LPP: variants seen among roughly 807,000 people sequenced by gnomAD.
LPP encodes lipoma-preferred partner.
Under a neutral mutation model 60.4 loss-of-function variants are expected in LPP, and 38 were observed. That is an observed-to-expected ratio of 0.63 (90% CI 0.49 to 0.83). The LOEUF (loss-of-function observed/expected upper bound fraction) is 0.83. Ranked by LOEUF, LPP falls within the 40% of genes least tolerant of loss-of-function variation. LPP has a pLI of 0.00. For synonymous variants in LPP, 328 were observed against 290.8 expected (o/e 1.13, Z -1.30); for missense variants, 902 against 783.6 (o/e 1.15, Z -1.80).
At position 188,835,455 on chromosome 3, in the gene LPP, C is replaced by CA. The variant is rs375424925; in HGVS notation, c.1411-30731dup. ...GTGAAACCTCATCCTACTAAAAATA[C>CA]AAAAAAAAAAAAAATCAGCTGGTGG... is the stretch of plus-strand genomic sequence containing the variant. On this transcript the variant is annotated intron_variant, in intron 9 of 11. Transcript: ENST00000617246. Among the ~76,000 whole-genome samples, 562 of 110,684 alleles carry CA rather than the reference C, an allele frequency of 5.1e-3. 2 individuals carry two copies. The highest frequency in any genetic ancestry group is 6.4e-3 in the Admixed American group (70 of 10,878). The allele number at this position is 110,684 out of a possible 152,430, so 72.6% of individuals were successfully genotyped here. A position where few individuals can be genotyped will look rare whatever the true frequency, so the allele number is the denominator to read the frequency against.
chr3:188,447,607 CAAAAAA>C (rs59645249), intron 4 of LPP, among the ~76,000 whole-genome samples: 21 of 114,776 alleles, frequency 1.8e-4, no homozygotes, highest in Admixed American at 2.6e-4. Context: ...GAGACTGCCT[CAAAAAA>C]AAAAAAAAAA....
chr3:188,680,672 A>G (rs565347974), intron 7 of LPP, among the ~76,000 whole-genome samples: 4 of 152,318 alleles, frequency 2.6e-5, no homozygotes, highest in East Asian at 1.9e-4. Flanking sequence ...TTAAAAGCCT[A>G]TCTTTAGGAA....
At chr3:188,310,838 A>T (rs1268254005) in intron 2 of LPP, among the ~76,000 whole-genome samples, 1 of 152,130 alleles carries the variant, frequency 6.6e-6, no homozygotes, top group Non-Finnish European at 1.5e-5. Context: ...TGCTATTATT[A>T]TTTTTTAAAA....
At chr3:188,486,078 T>G (rs533453153) in intron 5 of LPP, among the ~76,000 whole-genome samples, 1 of 152,180 alleles carries the variant, frequency 6.6e-6, no homozygotes, top group Non-Finnish European at 1.5e-5. Flanking sequence ...GGATATGTAT[T>G]TATGGCATAC....
At chr3:188,695,049 G>C (rs1244514067) in intron 7 of LPP, among the ~76,000 whole-genome samples, 2 of 152,118 alleles carry the variant, frequency 1.3e-5, no homozygotes, top group East Asian at 3.9e-4. Flanking sequence ...TATTATCACG[G>C]TAATCTTTGT....
intron 3 of LPP, among the ~76,000 whole-genome samples, chr3:188,386,598 A>C (rs1257810505): frequency 6.6e-6 from 1 of 152,206 alleles, no homozygotes; most frequent in Non-Finnish European, 1.5e-5. Context: ...CTAGCTTCTG[A>C]ATGTTGTATG....
Position 188,756,395 on chromosome 3 carries a change from C to T in LPP, c.1241-3718C>T, listed in dbSNP as rs1730260557. Among the ~76,000 whole-genome samples the T allele has an allele frequency of 2.0e-5, 3 of 152,174 alleles. No homozygotes were observed. The South Asian group carries it at 6.2e-4, about 31-fold the overall frequency. ...TCTTCACACCAGCCCTGGGTCTGAG[C>T]TAATCAGCTGTGTTTCCTTCATGCT... On this transcript the variant is annotated intron_variant, in intron 8 of 11. Transcript: ENST00000617246.
intron 8 of LPP, among the ~76,000 whole-genome samples, chr3:188,747,072 G>C (rs754670179): frequency 6.6e-5 from 10 of 152,144 alleles, no homozygotes; most frequent in Admixed American, 2.6e-4. Context: ...TTTTATAAAA[G>C]GGAGTCACAG....
chr3:188,787,246 C>T (rs573816220), intron 9 of LPP, among the ~76,000 whole-genome samples: 108 of 151,910 alleles, frequency 7.1e-4, no homozygotes, highest in African/African-American at 2.4e-3. Context: ...TAGATCTCTA[C>T]GTTATTTCTT....
At chr3:188,181,222 G>A (rs1243746603) in intron 1 of LPP, among the ~76,000 whole-genome samples, 4 of 151,960 alleles carry the variant, frequency 2.6e-5, no homozygotes, top group African/African-American at 7.2e-5. Flanking sequence ...ACTTGGTAGC[G>A]CATGCCTGTA....
Position 188,600,874 on chromosome 3 carries a change from T to A in LPP, c.430-8287T>A, listed in dbSNP as rs1841024547. Among the ~76,000 whole-genome samples the A allele has an allele frequency of 3.9e-5, 6 of 152,128 alleles. No individual in the cohort carries two copies. The South Asian group carries it at 1.2e-3, about 31-fold the overall frequency. ...GCTTCAAGCTTAATCTCTTCAAGCT[T>A]CATCTATGTTGTAGCATGTATCAGA... On this transcript the variant is annotated intron_variant, in intron 6 of 11. Coordinates refer to ENST00000617246, the MANE Select transcript of LPP (RefSeq NM_001375462.1).
chr3:188,876,118 T>C lies in LPP; in HGVS notation c.*1639T>C, dbSNP rs1402923720. 5.3e-6 allele frequency: 1 copy of C among 189,864 alleles called. No individual in the cohort carries two copies. The highest frequency in any genetic ancestry group is 1.1e-5 in the Non-Finnish European group (1 of 90,154). The allele number at this position is 189,864 out of a possible 1,614,324, so 11.8% of individuals were successfully genotyped here. ...TATCTTTTTCATTATTGTGAAGTGA[T>C]GTTCAGATTTCTAGTTTTTTTTCTA... On this transcript the variant is annotated 3_prime_UTR_variant, in exon 12 of 12. Transcript: ENST00000617246.
chr3:188,320,409 A>G (rs1756582209), intron 2 of LPP, among the ~76,000 whole-genome samples: 1 of 152,214 alleles, frequency 6.6e-6, no homozygotes, highest in African/African-American at 2.4e-5. Flanking sequence ...GGGTCCCCTC[A>G]GTGGTGAGCT....
chr3:188,269,490 A>G (rs757516190), intron 2 of LPP, among the ~76,000 whole-genome samples: 57 of 152,264 alleles, frequency 3.7e-4, no homozygotes, highest in Non-Finnish European at 6.3e-4. Flanking sequence ...TTGAAATGAC[A>G]ATTGCAGGTT....
chr3:188,857,358 G>A (rs1764097939), intron 9 of LPP, among the ~76,000 whole-genome samples: 1 of 152,204 alleles, frequency 6.6e-6, no homozygotes, highest in South Asian at 2.1e-4. Context: ...GGAGGACAGT[G>A]TGAAGTAGAA....
chr3:188,697,684 A>G (rs1364689656), intron 7 of LPP, among the ~76,000 whole-genome samples: 1 of 152,224 alleles, frequency 6.6e-6, no homozygotes, highest in African/African-American at 2.4e-5. Context: ...TATTCTGTTT[A>G]GATAATTTTA....
chr3:188,673,637 C>T (rs901976966), intron 7 of LPP, among the ~76,000 whole-genome samples: 1 of 152,038 alleles, frequency 6.6e-6, no homozygotes, highest in Non-Finnish European at 1.5e-5. Context: ...TCTTCCTCTC[C>T]CTGAAGCTAT....
chr3:188,476,294 A>G (rs899252521), intron 4 of LPP, among the ~76,000 whole-genome samples: 1 of 152,156 alleles, frequency 6.6e-6, no homozygotes, highest in Non-Finnish European at 1.5e-5. Context: ...TAGTTGTAAG[A>G]TGTAGATCAA....
At chr3:188,802,612 G>A (rs1435424300) in intron 9 of LPP, among the ~76,000 whole-genome samples, 5 of 151,944 alleles carry the variant, frequency 3.3e-5, no homozygotes, top group South Asian at 2.1e-4. Context: ...GTGAAACCCC[G>A]TCACTACTAA....
Sources: allele counts gnomAD v4.1 joint callset (sites outside exome capture counted in the v4.1 genomes callset), GRCh38; gene constraint gnomAD v4.1.1; transcripts MANE v1.5; gene names NCBI Gene and HGNC (gene_info 2026-07-23, HGNC 2026-07-21).